The following TP73 variants were observed in gnomAD, a reference collection of about 807,000 sequenced individuals.
The protein encoded by TP73 is p53-like transcription factor.
A neutral mutation model predicts 62.5 loss-of-function variants in TP73; 25 were observed. The observed-to-expected ratio is 0.40, with a 90% CI of 0.29 to 0.56. The LOEUF (loss-of-function observed/expected upper bound fraction) is 0.56. Among genes scored for constraint, TP73 ranks in the 20% least tolerant of loss-of-function variants. TP73 has a pLI of 0.46. For missense variants in TP73, 754 were observed against 913.3 expected (o/e 0.83, Z 2.25); for synonymous variants, 423 against 377.5 (o/e 1.12, Z -1.40).
chr1:3,667,833 C>T (rs1645155721), intron 1 of TP73, among the ~76,000 whole-genome samples: 1 of 152,098 alleles, frequency 6.6e-6, no homozygotes, highest in Admixed American at 6.5e-5. Flanking sequence ...ACATCTGGAC[C>T]ACCCAGCTTA....
chr1:3,692,481 G>A (rs1078687), intron 3 of TP73, among the ~76,000 whole-genome samples: 107,480 of 152,148 alleles, frequency 0.71, 40,371 homozygotes, highest in Non-Finnish European at 0.84. Context: ...TCTCTCCCTT[G>A]TCTGGCTGTC....
At chr1:3,677,689 C>CTTTTTTTTTTTTT (rs1215137164) in intron 1 of TP73, among the ~76,000 whole-genome samples, 1 of 137,224 alleles carries the variant, frequency 7.3e-6, no homozygotes, top group African/African-American at 2.8e-5. Context: ...TCCTTCCTTC[C>CTTTTTTTTTTTTT]CTTTTTTTTT....
chr1:3,653,620 G>T (rs543274644), intron 1 of TP73, among the ~76,000 whole-genome samples: 1 of 152,204 alleles, frequency 6.6e-6, no homozygotes, highest in Non-Finnish European at 1.5e-5. Context: ...TTTGGAAATG[G>T]CTCAGGCTCA....
At chr1:3,688,463 T>C (rs1483203631) in intron 3 of TP73, among the ~76,000 whole-genome samples, 5 of 152,272 alleles carry the variant, frequency 3.3e-5, no homozygotes, top group African/African-American at 7.2e-5. Flanking sequence ...AAGAGTGCCG[T>C]GGCCTGCGGC....
At chr1:3,727,361 G>A in intron 7 of TP73, 137 bp downstream of exon 7, 7 of 1,018,114 alleles carry the variant, frequency 6.9e-6, no homozygotes, top group Non-Finnish European at 1.0e-5. Context: ...CTGGAGGAAG[G>A]AACCGCCCCC....
chr1:3,668,182 T>C (rs1645162745), intron 1 of TP73, among the ~76,000 whole-genome samples: 1 of 152,218 alleles, frequency 6.6e-6, no homozygotes, highest in Non-Finnish European at 1.5e-5. Flanking sequence ...AGGAGGTCAC[T>C]GCAGCCAAGG....
At chr1:3,708,036 C>A (rs1331813121) in intron 4 of TP73, 2 of 607,822 alleles carry the variant, frequency 3.3e-6, no homozygotes, top group Non-Finnish European at 2.8e-6. Context: ...ACAGAGGGGA[C>A]GGACTTGGCC....
chr1:3,683,101 G>A lies in TP73; in HGVS notation c.107G>A (p.Arg36Gln), dbSNP rs778557179. The A allele has an allele frequency of 9.3e-6, 15 of 1,612,186 alleles. No individual in the cohort carries two copies. In the East Asian group the frequency reaches 1.3e-4, roughly 14 times the overall value. ...TACTTCGACCTTCCCCAGTCAAGCC[G>A]GGGGAATAATGAGGTGGTGGGCGGA... ...STYFDLPQSSRGNNEVVGGTD... is the reference protein window; with the variant it reads ...STYFDLPQSSQGNNEVVGGTD... Residue 36 changes from arginine (R) to glutamine (Q), a missense_variant, in exon 3 of 14, where the codon CGG (arginine) becomes CAG (glutamine). Physicochemically the swap from Arg to Gln is conservative, Grantham distance 43. This residue lies in a region of TP73 where 235 missense variants were observed against 251.4 expected (regional missense o/e 0.93). Transcript: ENST00000378295.
At chr1:3,658,139 A>G (rs906329388) in intron 1 of TP73, among the ~76,000 whole-genome samples, 1 of 152,218 alleles carries the variant, frequency 6.6e-6, no homozygotes, top group African/African-American at 2.4e-5. Flanking sequence ...GAGCAAGGGC[A>G]CGGAAGGCAG....
chr1:3,708,168 GACA>G lies in TP73; in HGVS notation c.429+378_429+380del, dbSNP rs530102654. 393 of 302,762 alleles carry G rather than the reference GACA, an allele frequency of 1.3e-3. 1 individual carries two copies. The highest frequency in any genetic ancestry group is 7.8e-3 in the African/African-American group (371 of 47,294). The allele number at this position is 302,762 out of a possible 1,614,324, so 18.8% of individuals were successfully genotyped here. On this transcript the variant is annotated intron_variant, in intron 4 of 13. Coordinates refer to ENST00000378295, the MANE Select transcript of TP73 (RefSeq NM_005427.4). ...CTGCTGCCAAGAGTTGTCTGTCCGA[GACA>G]GGCCCACAGCCCTAGGGTCTGCAGA...
intron 1 of TP73, among the ~76,000 whole-genome samples, chr1:3,674,485 C>T (rs150366966): frequency 4.6e-5 from 7 of 152,390 alleles, no homozygotes; most frequent in South Asian, 2.1e-4. Flanking sequence ...GCCGCATCCT[C>T]CTCACCAGGC....
intron 3 of TP73, chr1:3,698,034 G>A (rs956293535): frequency 9.2e-6 from 9 of 979,064 alleles, no homozygotes; most frequent in East Asian, 1.1e-4. Context: ...ACCCATTCTC[G>A]GCTCAGCCAC....
chr1:3,669,301 G>C lies in TP73; in HGVS notation c.-33-13032G>C, dbSNP rs1645189349. ...TCTACGGCCTCCCAGGAGGCGGCTT[G>C]GAAATGCAGTACTGTTCAGGCCAGG... On this transcript the variant is annotated intron_variant, in intron 1 of 13. Coordinates refer to ENST00000378295, the MANE Select transcript of TP73 (RefSeq NM_005427.4). Among the ~76,000 whole-genome samples, 3 of 152,328 alleles carry C rather than the reference G, an allele frequency of 2.0e-5. No individual in the cohort carries two copies. The South Asian group carries it at 6.2e-4, about 32-fold the overall frequency.
intron 4 of TP73, among the ~76,000 whole-genome samples, chr1:3,719,080 C>T (rs1640852669): frequency 6.6e-6 from 1 of 152,200 alleles, no homozygotes. Context: ...AGGCCCTTCT[C>T]CTTTTGCCGC....
intron 1 of TP73, among the ~76,000 whole-genome samples, chr1:3,677,666 C>A: frequency 6.7e-6 from 1 of 149,714 alleles, no homozygotes; most frequent in Non-Finnish European, 1.5e-5. Flanking sequence ...ACTGAGAACT[C>A]ATTTATTTCA....
At chr1:3,658,313 C>G (rs1191672204) in intron 1 of TP73, among the ~76,000 whole-genome samples, 1 of 152,192 alleles carries the variant, frequency 6.6e-6, no homozygotes, top group Non-Finnish European at 1.5e-5. Context: ...GGGTTCTTGT[C>G]AATAAACGAT....
At chr1:3,708,235 G>A (rs974202591) in intron 4 of TP73, 2 of 198,168 alleles carry the variant, frequency 1.0e-5, no homozygotes, top group Admixed American at 5.3e-5. Context: ...TCTGCGGGTG[G>A]GTGGATTTGG....
intron 1 of TP73, among the ~76,000 whole-genome samples, chr1:3,681,007 G>A (rs1363231362): frequency 6.6e-6 from 1 of 152,234 alleles, no homozygotes; most frequent in African/African-American, 2.4e-5. Flanking sequence ...AAAAGTGGAT[G>A]GAGCGGTCAC....
In TP73 at chr1:3,696,087, G is replaced by A. The variant is rs1047931090; in HGVS notation, c.187-11462G>A. Among the ~76,000 whole-genome samples the A allele has an allele frequency of 2.0e-5, 3 of 152,180 alleles. No homozygotes were observed. Among genetic ancestry groups the A allele is most frequent in the African/African-American group, 4.8e-5 (2 of 41,444 alleles). ...GCATGCAGGGAGGAGGACGACGAGC[G>A]AGCAGTTCCCAAAGCCCCATGAGGG... On this transcript the variant is annotated intron_variant, in intron 3 of 13. Transcript: ENST00000378295. The surrounding 1 kb of genome is among the most constrained non-coding windows in gnomAD (Gnocchi z 4.1).
Sources: gnomAD v4.1 joint callset for allele counts (sites outside exome capture counted in the v4.1 genomes callset) on GRCh38, gnomAD v4.1.1 for gene constraint, gnomAD v4.1.1 regional missense constraint, Gnocchi (gnomAD v3.1) non-coding constraint, MANE v1.5 for transcripts, NCBI Gene and HGNC (gene_info 2026-07-23, HGNC 2026-07-21) for gene names.